The following SGCD variants were observed in gnomAD, a reference collection of about 807,000 sequenced individuals.
SGCD encodes the protein sarcoglycan delta.
SGCD carries 18 observed loss-of-function variants against 36.6 expected under a neutral mutation model. The ratio of observed to expected loss-of-function variants is 0.49; its 90% CI spans 0.34 to 0.73. The LOEUF (loss-of-function observed/expected upper bound fraction) is 0.73. Ranked by LOEUF, SGCD falls within the 30% of genes least tolerant of loss-of-function variation. The pLI, the probability that SGCD is intolerant of heterozygous loss-of-function variation, is 0.01. For synonymous variants in SGCD, 133 were observed against 130.6 expected (o/e 1.02, Z -0.12); for missense variants, 387 against 346.7 (o/e 1.12, Z -0.92).
At chr5:155,776,007 T>C in the SGCD span, among the ~76,000 whole-genome samples, 1 of 152,174 alleles carries the variant, frequency 6.6e-6, no homozygotes, top group East Asian at 1.9e-4. Flanking sequence ...AGTGAAAACT[T>C]TTGGCTAGGT....
intron 1 of SGCD, among the ~76,000 whole-genome samples, chr5:156,035,658 C>T (rs185631477): frequency 6.6e-6 from 1 of 152,114 alleles, no homozygotes; most frequent in African/African-American, 2.4e-5. Flanking sequence ...AATGGGGTGG[C>T]TATTTAGGTG....
chr5:155,892,469 A>G lies in SGCD; in HGVS notation c.-282+22045A>G, dbSNP rs867679546. ...ACTCCATCTGAAAAAGAAAAAAAAA[A>G]AAAAAAAAAAAAAAAGGACCAATTG... On this transcript the variant is annotated intron_variant, in intron 1 of 9. Transcript: ENST00000517913. Among the ~76,000 whole-genome samples, 297 of 150,936 alleles carry G rather than the reference A, an allele frequency of 2.0e-3. 2 individuals are homozygous for G. The Middle Eastern group carries it at 0.048, about 24-fold the overall frequency.
chr5:156,428,092 ATAC>A (rs1468381181), intron 3 of SGCD, among the ~76,000 whole-genome samples: 3 of 152,114 alleles, frequency 2.0e-5, no homozygotes, highest in Non-Finnish European at 4.4e-5. Flanking sequence ...ATCTTGTGGA[ATAC>A]TGTCAATAGG....
chr5:156,242,343 A>C (rs1765325945), intron 3 of SGCD, among the ~76,000 whole-genome samples: 1 of 152,170 alleles, frequency 6.6e-6, no homozygotes, highest in Admixed American at 6.5e-5. Context: ...TTTAGGAGGA[A>C]GATGAGTGTG....
chr5:156,223,217 A>G (rs928432073), intron 3 of SGCD, among the ~76,000 whole-genome samples: 1 of 152,096 alleles, frequency 6.6e-6, no homozygotes, highest in Non-Finnish European at 1.5e-5. Context: ...TTTGAATTGA[A>G]AGTAGTGGCG....
At chr5:155,942,334 G>GTGTGTATCTATCTATC (rs1561657738) in intron 1 of SGCD, among the ~76,000 whole-genome samples, 6 of 138,502 alleles carry the variant, frequency 4.3e-5, no homozygotes, top group South Asian at 2.5e-4. Flanking sequence ...ATGTATGTAT[G>GTGTGTATCTATCTATC]TATCTATCTA....
At chr5:155,894,148 CA>C (rs1045989079) in intron 1 of SGCD, among the ~76,000 whole-genome samples, 7 of 152,128 alleles carry the variant, frequency 4.6e-5, no homozygotes, top group African/African-American at 1.7e-4. Context: ...AAACACTGGC[CA>C]CTTAGGCCAC....
chr5:156,369,101 G>A (rs77946635), intron 3 of SGCD, among the ~76,000 whole-genome samples: 5,203 of 152,230 alleles, frequency 0.034, 233 homozygotes, highest in African/African-American at 0.097. Flanking sequence ...CTGTGTGTAT[G>A]AGACAGAGGG....
chr5:156,581,955 T>A (rs1051756207), intron 4 of SGCD, among the ~76,000 whole-genome samples: 3 of 152,118 alleles, frequency 2.0e-5, no homozygotes, highest in Non-Finnish European at 4.4e-5. Context: ...CCCAGTGAGA[T>A]TAACCAGGTA....
chr5:156,252,252 T>C (rs576923653), intron 3 of SGCD, among the ~76,000 whole-genome samples: 1 of 152,060 alleles, frequency 6.6e-6, no homozygotes, highest in East Asian at 1.9e-4. Flanking sequence ...TAATTTTGTA[T>C]TTTTAGTAGA....
At chr5:156,540,786 C>A (rs1758319713) in intron 4 of SGCD, among the ~76,000 whole-genome samples, 1 of 152,138 alleles carries the variant, frequency 6.6e-6, no homozygotes. Context: ...CACAGTCGTC[C>A]TGATTGATTT....
At chr5:156,030,388 G>T (rs1270111431) in intron 1 of SGCD, among the ~76,000 whole-genome samples, 6 of 152,264 alleles carry the variant, frequency 3.9e-5, no homozygotes, top group Admixed American at 3.9e-4. Flanking sequence ...AGTCATAGGG[G>T]AAATGCCAGG....
chr5:156,464,396 A>G (rs1362978605), intron 3 of SGCD, among the ~76,000 whole-genome samples: 1 of 151,776 alleles, frequency 6.6e-6, no homozygotes, highest in Non-Finnish European at 1.5e-5. Context: ...AATTTTTTGT[A>G]TATTTAATAG....
At chr5:155,793,257 G>A in the SGCD span, among the ~76,000 whole-genome samples, 2 of 152,110 alleles carry the variant, frequency 1.3e-5, no homozygotes, top group African/African-American at 4.8e-5. Context: ...CTACTAGGGA[G>A]GCTGGGGCAT....
chr5:156,301,336 T>A (rs1459832974), intron 3 of SGCD, among the ~76,000 whole-genome samples: 1 of 152,096 alleles, frequency 6.6e-6, no homozygotes, highest in Non-Finnish European at 1.5e-5. Context: ...TGATGACTAC[T>A]TAATGATTAC....
At chr5:155,847,805 A>G in the SGCD span, among the ~76,000 whole-genome samples, 1 of 152,192 alleles carries the variant, frequency 6.6e-6, no homozygotes, top group Non-Finnish European at 1.5e-5. Context: ...TCAGGCCACA[A>G]ACTTCATTGA....
At chr5:155,940,871 AC>A (rs747469938) in intron 1 of SGCD, among the ~76,000 whole-genome samples, 28,642 of 147,776 alleles carry the variant, frequency 0.19, 3,311 homozygotes, top group Admixed American at 0.39. Flanking sequence ...AACAACAACA[AC>A]AACAAAAAAA....
chr5:155,934,942 C>G (rs532340509), intron 1 of SGCD, among the ~76,000 whole-genome samples: 1 of 152,148 alleles, frequency 6.6e-6, no homozygotes, highest in African/African-American at 2.4e-5. Flanking sequence ...GATGGATTCC[C>G]AGAGCTATCG....
chr5:156,484,928 T>C (rs975339178), intron 3 of SGCD, among the ~76,000 whole-genome samples: 2 of 152,232 alleles, frequency 1.3e-5, no homozygotes, highest in African/African-American at 2.4e-5. Flanking sequence ...GGCCAATTCA[T>C]ATCTCCTGAA....
Sources: gnomAD v4.1 joint callset for allele counts (sites outside exome capture counted in the v4.1 genomes callset) on GRCh38, gnomAD v4.1.1 for gene constraint, MANE v1.5 for transcripts, NCBI Gene and HGNC (gene_info 2026-07-23, HGNC 2026-07-21) for gene names.